The following AKAP10 variants were observed in gnomAD, a reference collection of about 807,000 sequenced individuals.
AKAP10 encodes A-kinase anchoring protein 10, also known as A-kinase anchor protein 10, mitochondrial.
A neutral mutation model predicts 80.8 loss-of-function variants in AKAP10; 24 were observed. That is an observed-to-expected ratio of 0.30 (90% CI 0.22 to 0.42). The LOEUF (loss-of-function observed/expected upper bound fraction) is 0.42. AKAP10 is among the 10% of genes least tolerant of loss of function. The pLI is 1.00. For missense variants in AKAP10, 661 were observed against 794.9 expected, an observed-to-expected ratio of 0.83 and a Z score of 2.03; for synonymous variants, 291 against 277.7, an observed-to-expected ratio of 1.05 and a Z score of -0.48.
In AKAP10 at chr17:19,904,915, A is replaced by G. The variant is rs755977416; in HGVS notation, c.*1312T>C. 2.6e-5 allele frequency: 4 copies of G among 151,926 alleles called. No homozygotes were observed. Among genetic ancestry groups the G allele is most frequent in the Non-Finnish European group, 5.9e-5 (4 of 67,992 alleles). The allele number at this position is 151,926 out of a possible 1,614,324, so 9.4% of individuals were successfully genotyped here. The stretch of plus-strand genomic sequence containing the variant: ...AGCCTTTTTGCTTCTTCTGTCGATG[A>G]AACAGTGTGCCTCTATACAATCAAA... On this transcript the variant is annotated 3_prime_UTR_variant, in exon 15 of 15. Coordinates refer to ENST00000225737, the MANE Select transcript of AKAP10 (RefSeq NM_007202.4).
In AKAP10 at chr17:19,931,891, C is replaced by T. The variant is rs374678023; in HGVS notation, c.1555G>A (p.Gly519Ser). 49 of 1,613,878 alleles carry T rather than the reference C, an allele frequency of 3.0e-5. No individual in the cohort carries two copies. The highest frequency in any genetic ancestry group is 3.8e-5 in the Non-Finnish European group (45 of 1,180,028). Residue 519 changes from glycine to serine, a missense_variant, in exon 10 of 15, where the codon GGC (glycine) becomes AGC (serine). Gly to Ser is a moderately conservative substitution (Grantham distance 56). Coordinates refer to ENST00000225737, the MANE Select transcript of AKAP10 (RefSeq NM_007202.4). Reference sequence around the variant, plus strand: ...GGAGCAGTCAGCGACACGTTCCCGCCCAGAAATTCATCTCCTCGAACCGAA... The same window carrying T: ...GGAGCAGTCAGCGACACGTTCCCGCTCAGAAATTCATCTCCTCGAACCGAA... Reference protein sequence around the residue: ...IHSVRGDEFLGGNVSLTAPGS... With the variant: ...IHSVRGDEFLSGNVSLTAPGS...
Position 19,909,254 on chromosome 17 carries a change from T to C in AKAP10, c.1910A>G (p.Lys637Arg). The part of the protein sequence containing the change: ...TDEAQEELAW[K>R]IAKMIVSDIM... ...GTCACTGACTATCATTTTAGCAATC[T>C]TCCAAGCTAGCTCTTCCTGGGCCTA... The change falls in exon 14 of 15, where the codon AAG becomes AGG. Residue 637 changes from lysine to arginine, a missense_variant. Lys to Arg is a conservative substitution (Grantham distance 26). Transcript: ENST00000225737. The C allele has an allele frequency of 6.2e-7, 1 of 1,613,474 alleles. No homozygotes were observed. The highest frequency in any genetic ancestry group is 1.1e-5 in the South Asian group (1 of 91,006).
chr17:19,922,275 T>G lies in AKAP10; in HGVS notation c.1751+2133A>C, dbSNP rs143777723. Among the ~76,000 whole-genome samples the G allele has an allele frequency of 2.5e-3, 387 of 152,280 alleles. 1 individual carries two copies. The highest frequency in any genetic ancestry group is 8.8e-3 in the African/African-American group (365 of 41,560). Reference sequence around the variant, plus strand: ...ATATATCAGTTTATTTTAGGCAAAGTGATCTTATTTTAGAGATATCTTCCT... The same window carrying G: ...ATATATCAGTTTATTTTAGGCAAAGGGATCTTATTTTAGAGATATCTTCCT... On this transcript the variant is annotated intron_variant, in intron 11 of 14. Coordinates refer to ENST00000225737, the MANE Select transcript of AKAP10 (RefSeq NM_007202.4).
At chr17:19,944,337 T>C (rs1597508333) in intron 5 of AKAP10, among the ~76,000 whole-genome samples, 1 of 152,316 alleles carries the variant, frequency 6.6e-6, no homozygotes, top group South Asian at 2.1e-4. Context: ...GACTGCATGT[T>C]TATATATATA....
At chr17:19,916,393 T>C (rs945976794) in intron 12 of AKAP10, among the ~76,000 whole-genome samples, 1 of 152,192 alleles carries the variant, frequency 6.6e-6, no homozygotes, top group Non-Finnish European at 1.5e-5. Flanking sequence ...GGCACTCCAC[T>C]GTTCTATAAA....
intron 1 of AKAP10, among the ~76,000 whole-genome samples, chr17:19,971,419 G>A (rs1194903824): frequency 6.6e-6 from 1 of 150,850 alleles, no homozygotes; most frequent in Non-Finnish European, 1.5e-5. Flanking sequence ...TGAGGCAGGA[G>A]AATCACTTTA....
At chr17:19,963,068 G>A in intron 2 of AKAP10, 46 bp from the exon 3 acceptor site, 1 of 1,482,586 alleles carries the variant, frequency 6.7e-7, no homozygotes, top group Non-Finnish European at 9.2e-7. Context: ...CAATTTGATA[G>A]CCTAAAACTC....
At chr17:19,930,550 A>T (rs1251655587) in intron 10 of AKAP10, among the ~76,000 whole-genome samples, 1 of 152,068 alleles carries the variant, frequency 6.6e-6, no homozygotes, top group African/African-American at 2.4e-5. Flanking sequence ...TGAGAGGCCA[A>T]GGTGGGAGGA....
intron 12 of AKAP10, among the ~76,000 whole-genome samples, chr17:19,911,665 G>A (rs138365703): frequency 0.022 from 3,368 of 151,488 alleles, 56 homozygotes; most frequent in Non-Finnish European, 0.036. Flanking sequence ...GAGAAACCCC[G>A]TCTCTACTAA....
At position 19,936,296 on chromosome 17, in the gene AKAP10, G is replaced by C. The variant is rs1393271685; in HGVS notation, c.1457C>G (p.Thr486Ser). Residue 486 changes from threonine to serine, a missense_variant, in exon 9 of 15, where the codon ACC becomes AGC. By Grantham distance (58) the Thr-to-Ser change is moderately conservative (BLOSUM62 1). Transcript: ENST00000225737. ...GAAGTTCTGGGTTACCTTCTCCATG[G>C]TTGTCCAGGCCTGACGTAATGGAGT... ...FTTPLRQAWT[T>S]MEKVFLPGFL... The C allele has an allele frequency of 6.2e-7, 1 of 1,611,542 alleles. No homozygotes were observed. The highest frequency in any genetic ancestry group is 1.1e-5 in the South Asian group (1 of 90,702).
chr17:19,924,606 G>C (rs143199320), intron 10 of AKAP10, 89 bp from the exon 11 acceptor site: 1 of 734,848 alleles, frequency 1.4e-6, no homozygotes, highest in Non-Finnish European at 2.1e-6. Context: ...TTTCTTCAGT[G>C]TTTGAAATAG....
At position 19,924,115 on chromosome 17, in the gene AKAP10, A is replaced by C. The variant is rs141103504; in HGVS notation, c.1751+293T>G. Among the ~76,000 whole-genome samples, 398 of 152,302 alleles carry C rather than the reference A, an allele frequency of 2.6e-3. 1 individual carries two copies. The highest frequency in any genetic ancestry group is 9.1e-3 in the African/African-American group (377 of 41,556). On this transcript the variant is annotated intron_variant, in intron 11 of 14. Coordinates refer to ENST00000225737, the MANE Select transcript of AKAP10 (RefSeq NM_007202.4). Reference sequence around the variant, plus strand: ...TACTTTTTCCAAGTATCAGTTATGCAGCCCAGAGTAAATGATGTTGGCATC... The same window carrying C: ...TACTTTTTCCAAGTATCAGTTATGCCGCCCAGAGTAAATGATGTTGGCATC...
intron 12 of AKAP10, among the ~76,000 whole-genome samples, chr17:19,917,099 C>T (rs1198794486): frequency 6.6e-6 from 1 of 151,552 alleles, no homozygotes; most frequent in Non-Finnish European, 1.5e-5. Context: ...CCCATCTCTA[C>T]TAAAAATAAC....
rs2043512793 is a variant in AKAP10, at chr17:19,972,605, G to A, written c.89-4144C>T. On this transcript the variant is annotated intron_variant, in intron 1 of 14. Coordinates refer to ENST00000225737, the MANE Select transcript of AKAP10 (RefSeq NM_007202.4). ...CAAGTAGCTGGGACTACAGGCGCCCGCCACCACGCCCGGCTAATGTTTTGT... is the reference window on the plus strand; with the variant it reads ...CAAGTAGCTGGGACTACAGGCGCCCACCACCACGCCCGGCTAATGTTTTGT... Among the ~76,000 whole-genome samples, 3 of 151,988 alleles carry A rather than the reference G, an allele frequency of 2.0e-5. No individual in the cohort carries two copies. In the South Asian group the frequency reaches 6.2e-4, roughly 32 times the overall value.
intron 2 of AKAP10, among the ~76,000 whole-genome samples, chr17:19,965,674 C>T (rs189889650): frequency 6.6e-5 from 10 of 152,252 alleles, no homozygotes; most frequent in African/African-American, 2.2e-4. Flanking sequence ...AGTGTCATTG[C>T]CATGAAGTCT....
intron 1 of AKAP10, among the ~76,000 whole-genome samples, chr17:19,971,620 CTA>C (rs2043499298): frequency 6.6e-6 from 1 of 152,102 alleles, no homozygotes; most frequent in South Asian, 2.1e-4. Flanking sequence ...TCACGCAGCT[CTA>C]GTTTATTCAT....
At chr17:19,972,857 T>G (rs1239255033) in intron 1 of AKAP10, among the ~76,000 whole-genome samples, 1 of 152,228 alleles carries the variant, frequency 6.6e-6, no homozygotes, top group African/African-American at 2.4e-5. Context: ...TCAGGATTGT[T>G]CCCCCTACCT....
chr17:19,939,255 C>T (rs2043026913), intron 8 of AKAP10, among the ~76,000 whole-genome samples: 1 of 152,134 alleles, frequency 6.6e-6, no homozygotes, highest in Admixed American at 6.5e-5. Flanking sequence ...AATAGGCATT[C>T]AAGGTCCCTT....
At position 19,977,652 on chromosome 17, in the gene AKAP10, G is replaced by T. The variant is rs1199691965; in HGVS notation, c.28C>A (p.Gln10Lys). The T allele has an allele frequency of 3.2e-6, 4 of 1,235,248 alleles. No homozygotes were observed. Among genetic ancestry groups the T allele is most frequent in the Non-Finnish European group, 3.0e-6 (3 of 987,838 alleles). 76.5% of individuals were successfully genotyped at this position (1,235,248 alleles called of 1,614,324 possible). A position where few individuals can be genotyped will look rare whatever the true frequency, so the allele number is the denominator to read the frequency against. Residue 10 changes from glutamine (Q) to lysine (K), a missense_variant, in exon 1 of 15, where the codon CAG becomes AAG. By Grantham distance (53) the Gln-to-Lys change is moderately conservative. Transcript: ENST00000225737. ...TCGGGACGGAGGGTGCGGGGGGACT[G>T]GCGCGGGGAGGGCCCGGCTCCCCTC... Reference protein sequence around the residue: MRGAGPSPRQSPRTLRPDPG... With the variant: MRGAGPSPRKSPRTLRPDPG...
Sources: allele counts gnomAD v4.1 joint callset (sites outside exome capture counted in the v4.1 genomes callset), GRCh38; gene constraint gnomAD v4.1.1; transcripts MANE v1.5; gene names NCBI Gene and HGNC (gene_info 2026-07-23, HGNC 2026-07-21).